The following RFX7 variants were observed in gnomAD, a reference collection of about 807,000 sequenced individuals.
The protein encoded by RFX7 is regulatory factor X7.
In RFX7, 26 loss-of-function variants were observed where a neutral mutation model predicts 111.8. That is an observed-to-expected ratio of 0.23 (90% CI 0.17 to 0.32). The LOEUF is 0.32. Ranked by LOEUF, RFX7 falls within the 10% of genes least tolerant of loss-of-function variation. The pLI is 1.00. For missense variants in RFX7, 1,573 were observed against 1,772.9 expected (o/e 0.89, Z 2.02); for synonymous variants, 624 against 624.4 (o/e 1.00, Z 0.01).
intron 8 of RFX7, among the ~76,000 whole-genome samples, chr15:56,100,988 A>C (rs568952767): frequency 1.0e-3 from 152 of 152,268 alleles, no homozygotes; most frequent in African/African-American, 3.6e-3. Context: ...TTAAAATTTA[A>C]TCTTATTATT....
At chr15:56,141,422 C>G (rs1369538048) in intron 5 of RFX7, among the ~76,000 whole-genome samples, 6 of 151,772 alleles carry the variant, frequency 4.0e-5, no homozygotes. Flanking sequence ...ACATCTTCAA[C>G]TGCCTCATTT....
chr15:56,097,746 C>CAAAAAAAA (rs67718449), intron 9 of RFX7, among the ~76,000 whole-genome samples: 921 of 47,304 alleles, frequency 0.019, 262 homozygotes, highest in African/African-American at 0.093. Context: ...GACTCTGTCT[C>CAAAAAAAA]AAAAAAAAAA....
intron 2 of RFX7, among the ~76,000 whole-genome samples, chr15:56,225,154 C>T (rs1252637890): frequency 1.3e-5 from 2 of 152,042 alleles, no homozygotes; most frequent in African/African-American, 4.8e-5. Context: ...CCAAAACAGC[C>T]AAAATATGCA....
At chr15:56,110,453 G>C (rs1290998513) in intron 5 of RFX7, among the ~76,000 whole-genome samples, 1 of 126,836 alleles carries the variant, frequency 7.9e-6, no homozygotes, top group African/African-American at 2.9e-5. Flanking sequence ...CGCCCCATCC[G>C]GGAGGCGAGG....
intron 4 of RFX7, 63 bp downstream of exon 4, chr15:56,144,338 C>A (rs189981876): frequency 2.4e-6 from 2 of 846,184 alleles, no homozygotes; most frequent in Admixed American, 2.4e-5. Context: ...ATACAGACCT[C>A]ACATATATCC....
At chr15:56,173,768 G>A (rs1475287215) in intron 3 of RFX7, among the ~76,000 whole-genome samples, 3 of 151,474 alleles carry the variant, frequency 2.0e-5, no homozygotes, top group Admixed American at 6.6e-5. Context: ...ATTGCAGCCC[G>A]GACAACAAGA....
chr15:56,145,308 G>A (rs1434505726), intron 3 of RFX7, among the ~76,000 whole-genome samples: 2 of 152,094 alleles, frequency 1.3e-5, no homozygotes, highest in African/African-American at 4.8e-5. Context: ...TGAAAAATGT[G>A]GACAGATTAC....
intron 2 of RFX7, among the ~76,000 whole-genome samples, chr15:56,205,908 A>T (rs1201713397): frequency 2.0e-5 from 3 of 152,210 alleles, no homozygotes; most frequent in Non-Finnish European, 4.4e-5. Context: ...CTACTATTAA[A>T]AATAAAAATT....
rs528057865 is a variant in RFX7, at chr15:56,119,543, G to A, written c.402-15873C>T. 2.2e-4 allele frequency among the ~76,000 whole-genome samples: 33 copies of A among 152,136 alleles called. No homozygotes were observed. In the South Asian group the frequency reaches 6.0e-3, roughly 28 times the overall value. ...TGTAATCCCAGCACTTTGGGAGGCC[G>A]AGGTGGGTGGGTCAAATGGGGTCAG... On this transcript the variant is annotated intron_variant, in intron 5 of 9. Transcript: ENST00000559447.
At position 56,166,611 on chromosome 15, in the gene RFX7, T is replaced by C. The variant is rs542319087; in HGVS notation, c.195+12659A>G. Among the ~76,000 whole-genome samples, 5 of 152,318 alleles carry C rather than the reference T, an allele frequency of 3.3e-5. No homozygotes were observed. The East Asian group carries it at 7.7e-4, about 23-fold the overall frequency. On this transcript the variant is annotated intron_variant, in intron 3 of 9. Transcript: ENST00000559447. ...TTCATAACACCAGTTTCATGAGAAG[T>C]TGTATGAGGAAAAGGGTGAAGAGGA...
At chr15:56,228,670 A>G (rs1407831888) in intron 2 of RFX7, among the ~76,000 whole-genome samples, 6 of 152,218 alleles carry the variant, frequency 3.9e-5, no homozygotes, top group African/African-American at 1.4e-4. Context: ...TTAAACTTTT[A>G]AAATGAGGCT....
chr15:56,104,798 T>TG (rs149103328), intron 5 of RFX7, among the ~76,000 whole-genome samples: 147,750 of 152,078 alleles, frequency 0.97, 71,921 homozygotes, highest in East Asian at 1. Context: ...TGCATACCCC[T>TG]GGGGTTAAAA....
At chr15:56,099,259 C>CA (rs1325738896) in intron 8 of RFX7, among the ~76,000 whole-genome samples, 2 of 152,072 alleles carry the variant, frequency 1.3e-5, no homozygotes, top group African/African-American at 4.8e-5. Flanking sequence ...TTCTTTTCCC[C>CA]ATCCCAATTT....
chr15:56,177,607 TAA>T (rs2042916292), intron 3 of RFX7, among the ~76,000 whole-genome samples: 1 of 152,168 alleles, frequency 6.6e-6, no homozygotes, highest in African/African-American at 2.4e-5. Context: ...TAGTATTTTA[TAA>T]GTGTCATATT....
chr15:56,131,704 A>G (rs1208279648), intron 5 of RFX7, among the ~76,000 whole-genome samples: 2 of 152,234 alleles, frequency 1.3e-5, no homozygotes, highest in Non-Finnish European at 2.9e-5. Flanking sequence ...TTGTTCAACT[A>G]TAAGTGATAC....
intron 5 of RFX7, among the ~76,000 whole-genome samples, chr15:56,109,556 G>A (rs1209944213): frequency 6.6e-6 from 1 of 151,880 alleles, no homozygotes; most frequent in Non-Finnish European, 1.5e-5. Flanking sequence ...AGTCTGGAAA[G>A]TGAGGAGCGT....
At chr15:56,200,013 C>T (rs985867387) in intron 2 of RFX7, among the ~76,000 whole-genome samples, 1 of 152,142 alleles carries the variant, frequency 6.6e-6, no homozygotes, top group Non-Finnish European at 1.5e-5. Context: ...AATGCCTCCA[C>T]TTTACACTGG....
intron 3 of RFX7, among the ~76,000 whole-genome samples, chr15:56,160,988 G>A (rs2042713512): frequency 6.6e-6 from 1 of 151,948 alleles, no homozygotes; most frequent in Admixed American, 6.6e-5. Context: ...TTACTGTACT[G>A]TATTATCGTG....
At position 56,092,045 on chromosome 15, in the gene RFX7, G is replaced by C. The variant is rs961198309; in HGVS notation, c.*1300C>G. On this transcript the variant is annotated 3_prime_UTR_variant, in exon 10 of 10. Transcript: ENST00000559447. ...AAATGGAGCTTTCAACCAGTGAGTA[G>C]GTTTGTGTCAACATGCAACTCATAA... 6.6e-6 allele frequency: 1 copy of C among 152,370 alleles called. No homozygotes were observed. Among genetic ancestry groups the C allele is most frequent in the Non-Finnish European group, 1.5e-5 (1 of 67,976 alleles). The allele number at this position is 152,370 out of a possible 1,614,324, so 9.4% of individuals were successfully genotyped here.
Sources: allele counts gnomAD v4.1 joint callset (sites outside exome capture counted in the v4.1 genomes callset), GRCh38; gene constraint gnomAD v4.1.1; transcripts MANE v1.5; gene names NCBI Gene and HGNC (gene_info 2026-07-23, HGNC 2026-07-21).